Variants in TAFA1 observed in about 807,000 individuals in gnomAD.
TAFA1 encodes chemokine-like protein TAFA-1.
A neutral mutation model predicts 18.5 loss-of-function variants in TAFA1; 4 were observed. The ratio of observed to expected loss-of-function variants is 0.22; its 90% CI spans 0.11 to 0.49. The LOEUF is 0.49. Among genes scored for constraint, TAFA1 ranks in the 20% least tolerant of loss-of-function variants. TAFA1 has a pLI of 0.98. For missense variants in TAFA1, 147 were observed against 169.0 expected (o/e 0.87, Z 0.72); for synonymous variants, 56 against 55.2 (o/e 1.01, Z -0.06).
At chr3:68,349,207 G>A (rs923807286) in intron 2 of TAFA1, among the ~76,000 whole-genome samples, 1 of 151,772 alleles carries the variant, frequency 6.6e-6, no homozygotes, top group African/African-American at 2.4e-5. Context: ...TTTTGGGGGG[G>A]TTTGGCTTGG....
intron 2 of TAFA1, among the ~76,000 whole-genome samples, chr3:68,297,719 G>A (rs1454857915): frequency 6.6e-6 from 1 of 151,576 alleles, no homozygotes; most frequent in African/African-American, 2.4e-5. Context: ...TGATATCAGT[G>A]GGATTTCTGA....
At chr3:68,119,899 AT>A (rs1323785892) in intron 2 of TAFA1, among the ~76,000 whole-genome samples, 1 of 152,162 alleles carries the variant, frequency 6.6e-6, no homozygotes, top group Non-Finnish European at 1.5e-5. Flanking sequence ...TATAAAGTAA[AT>A]TTTAGGTATA....
chr3:68,408,860 A>G (rs916022493), intron 2 of TAFA1, among the ~76,000 whole-genome samples: 11 of 152,206 alleles, frequency 7.2e-5, no homozygotes, highest in Non-Finnish European at 1.5e-4. Context: ...GTCAAAAGTG[A>G]GTCTTTGAGG....
intron 2 of TAFA1, among the ~76,000 whole-genome samples, chr3:68,071,433 G>T (rs1368341737): frequency 6.6e-6 from 1 of 152,166 alleles, no homozygotes; most frequent in African/African-American, 2.4e-5. Flanking sequence ...GATGAGATTT[G>T]GGTGGGGACA....
At chr3:68,075,211 AT>A (rs1559727266) in intron 2 of TAFA1, among the ~76,000 whole-genome samples, 3 of 152,316 alleles carry the variant, frequency 2.0e-5, no homozygotes, top group African/African-American at 7.2e-5. Context: ...CTGTATAGAT[AT>A]ACTATTGGCA....
At chr3:68,429,721 T>C (rs1384785803) in intron 3 of TAFA1, among the ~76,000 whole-genome samples, 1 of 151,904 alleles carries the variant, frequency 6.6e-6, no homozygotes, top group Non-Finnish European at 1.5e-5. Flanking sequence ...CAACACTTGT[T>C]AATCCATCTG....
At chr3:68,281,636 A>G (rs2067899059) in intron 2 of TAFA1, among the ~76,000 whole-genome samples, 3 of 151,814 alleles carry the variant, frequency 2.0e-5, no homozygotes, top group Non-Finnish European at 4.4e-5. Flanking sequence ...ATGCTCAGCT[A>G]ATTTTTATAT....
chr3:68,446,239 GCCTT>G (rs2071472488), intron 3 of TAFA1, among the ~76,000 whole-genome samples: 1 of 151,968 alleles, frequency 6.6e-6, no homozygotes, highest in Admixed American at 6.6e-5. Context: ...CTGTAATACA[GCCTT>G]CCTTATTTAT....
chr3:68,231,737 A>G (rs1361301390), intron 2 of TAFA1, among the ~76,000 whole-genome samples: 1 of 152,166 alleles, frequency 6.6e-6, no homozygotes, highest in African/African-American at 2.4e-5. Context: ...TAAAGGTAAA[A>G]TTTAATGACT....
chr3:68,006,968 C>T (rs891512593), intron 2 of TAFA1, among the ~76,000 whole-genome samples: 1 of 151,500 alleles, frequency 6.6e-6, no homozygotes, highest in Non-Finnish European at 1.5e-5. Context: ...CTAAGTGTCA[C>T]CCCACCTGCT....
intron 3 of TAFA1, among the ~76,000 whole-genome samples, chr3:68,474,431 G>C (rs532494097): frequency 6.6e-6 from 1 of 152,120 alleles, no homozygotes; most frequent in Non-Finnish European, 1.5e-5. Context: ...TGGTGAGTTG[G>C]CTCTACCATC....
chr3:68,017,435 G>T (rs967943079), intron 2 of TAFA1, among the ~76,000 whole-genome samples: 21 of 152,290 alleles, frequency 1.4e-4, no homozygotes, highest in South Asian at 1.2e-3. Context: ...CACAGCAGTT[G>T]CTCACACAGA....
At chr3:68,273,693 G>T (rs553320621) in intron 2 of TAFA1, among the ~76,000 whole-genome samples, 1 of 152,132 alleles carries the variant, frequency 6.6e-6, no homozygotes, top group Non-Finnish European at 1.5e-5. Flanking sequence ...ATATAAGAAT[G>T]GAAGCTAGAA....
At chr3:68,479,241 A>AAAATATAT (rs1353493315) in intron 3 of TAFA1, among the ~76,000 whole-genome samples, 60 of 123,638 alleles carry the variant, frequency 4.9e-4, no homozygotes, top group African/African-American at 1.3e-3. Flanking sequence ...AAAAAAAAAA[A>AAAATATAT]ATATATATAT....
intron 2 of TAFA1, among the ~76,000 whole-genome samples, chr3:68,046,574 G>A (rs941708526): frequency 6.6e-5 from 10 of 152,058 alleles, no homozygotes; most frequent in African/African-American, 2.4e-4. Context: ...GATCAATGTT[G>A]GGTAAGTTGA....
At chr3:68,245,884 T>C (rs992081349) in intron 2 of TAFA1, among the ~76,000 whole-genome samples, 3 of 152,180 alleles carry the variant, frequency 2.0e-5, no homozygotes, top group Admixed American at 1.3e-4. Context: ...GTTGGTCTTT[T>C]ACAAGAGTCA....
chr3:68,397,676 C>T (rs971532919), intron 2 of TAFA1, among the ~76,000 whole-genome samples: 10 of 152,154 alleles, frequency 6.6e-5, no homozygotes, highest in African/African-American at 2.2e-4. Flanking sequence ...TGAGTGTATA[C>T]CCAGTAATGG....
intron 2 of TAFA1, among the ~76,000 whole-genome samples, chr3:68,029,023 G>A (rs1704876735): frequency 6.6e-6 from 1 of 151,896 alleles, no homozygotes; most frequent in Non-Finnish European, 1.5e-5. Flanking sequence ...AAAGTGCTGG[G>A]ATTAGACGCA....
chr3:68,173,519 T>C (rs933437328), intron 2 of TAFA1, among the ~76,000 whole-genome samples: 1 of 152,200 alleles, frequency 6.6e-6, no homozygotes, highest in Admixed American at 6.5e-5. Flanking sequence ...ATTGGAATTC[T>C]AGATTTTAAA....
Sources: allele counts gnomAD v4.1 joint callset (sites outside exome capture counted in the v4.1 genomes callset), GRCh38; gene constraint gnomAD v4.1.1; transcripts MANE v1.5; gene names NCBI Gene and HGNC (gene_info 2026-07-23, HGNC 2026-07-21).